The following TBC1D9 variants were observed in gnomAD, a reference collection of about 807,000 sequenced individuals.
The protein encoded by TBC1D9 is TBC1 domain family member 9A.
In TBC1D9, 63 loss-of-function variants were observed where a neutral mutation model predicts 132.0. That is an observed-to-expected ratio of 0.48 (90% CI 0.39 to 0.59). The LOEUF is 0.59. TBC1D9 is among the 20% of genes least tolerant of loss of function. The pLI, the probability that TBC1D9 is intolerant of heterozygous loss-of-function variation, is 0.00. For synonymous variants in TBC1D9, 610 were observed against 609.9 expected, an observed-to-expected ratio of 1.00 and a Z score of 0.00; for missense variants, 1,261 against 1,592.7, an observed-to-expected ratio of 0.79 and a Z score of 3.54.
At chr4:140,735,792 G>A (rs902516341) in intron 1 of TBC1D9, among the ~76,000 whole-genome samples, 3 of 152,182 alleles carry the variant, frequency 2.0e-5, no homozygotes, top group Admixed American at 6.5e-5. Context: ...CTACTGTGGC[G>A]TACAATAACA....
chr4:140,683,330 T>A (rs900579025), intron 3 of TBC1D9, among the ~76,000 whole-genome samples: 1 of 152,178 alleles, frequency 6.6e-6, no homozygotes, highest in Non-Finnish European at 1.5e-5. Flanking sequence ...ATAGTCTCCA[T>A]AAGGCTAAAA....
intron 1 of TBC1D9, among the ~76,000 whole-genome samples, chr4:140,753,705 AT>A (rs1447244348): frequency 1.5e-4 from 23 of 152,066 alleles, no homozygotes; most frequent in African/African-American, 5.3e-4. Context: ...TAGAGTGGCA[AT>A]TTTACTTTAA....
intron 1 of TBC1D9, among the ~76,000 whole-genome samples, chr4:140,709,651 T>C (rs981068487): frequency 6.6e-6 from 1 of 152,140 alleles, no homozygotes; most frequent in Non-Finnish European, 1.5e-5. Context: ...GTACTTTAAG[T>C]CAGCAGTCCC....
chr4:140,682,187 A>G lies in TBC1D9; in HGVS notation c.361-2344T>C, dbSNP rs1047421670. Among the ~76,000 whole-genome samples, 11 of 152,198 alleles carry G rather than the reference A, an allele frequency of 7.2e-5. No individual in the cohort carries two copies. The East Asian group carries it at 2.1e-3, about 29-fold the overall frequency. On this transcript the variant is annotated intron_variant, in intron 3 of 20. Transcript: ENST00000442267. ...AGCAATGCCTGAGAAATTAGGTACC[A>G]AGTTGCTAACTTCTGTTCCTCTGTC...
At chr4:140,634,350 A>G (rs1578815674) in intron 15 of TBC1D9, among the ~76,000 whole-genome samples, 162 bp from the exon 16 acceptor site, 1 of 151,888 alleles carries the variant, frequency 6.6e-6, no homozygotes, top group South Asian at 2.1e-4. Flanking sequence ...TTCTACATAC[A>G]CCTCCACTTG....
intron 1 of TBC1D9, among the ~76,000 whole-genome samples, chr4:140,708,604 T>C (rs1052021769): frequency 6.6e-6 from 1 of 151,932 alleles, no homozygotes; most frequent in African/African-American, 2.4e-5. Flanking sequence ...ATTAGGAAAA[T>C]GGTTCTGTGT....
At chr4:140,668,689 C>T (rs762264535) in intron 9 of TBC1D9, among the ~76,000 whole-genome samples, 8 of 152,170 alleles carry the variant, frequency 5.3e-5, no homozygotes, top group Non-Finnish European at 1.0e-4. Flanking sequence ...TATAAAGACT[C>T]GAAGGATGGT....
chr4:140,652,036 C>T (rs984299692), intron 13 of TBC1D9, among the ~76,000 whole-genome samples: 3 of 151,912 alleles, frequency 2.0e-5, no homozygotes, highest in Admixed American at 6.6e-5. Flanking sequence ...GCCAGGAGTT[C>T]GAGATCAACC....
chr4:140,731,240 C>T (rs1244769224), intron 1 of TBC1D9, among the ~76,000 whole-genome samples: 4 of 152,160 alleles, frequency 2.6e-5, no homozygotes, highest in Non-Finnish European at 5.9e-5. Flanking sequence ...TACTTATTGG[C>T]TGTTGTGTTG....
chr4:140,735,162 G>C (rs1021469579), intron 1 of TBC1D9, among the ~76,000 whole-genome samples: 5 of 152,126 alleles, frequency 3.3e-5, no homozygotes, highest in Non-Finnish European at 1.5e-5. Context: ...TATTCTGTTT[G>C]AAGGACATTC....
At chr4:140,687,279 T>C (rs942697832) in intron 2 of TBC1D9, among the ~76,000 whole-genome samples, 17 of 145,724 alleles carry the variant, frequency 1.2e-4, no homozygotes, top group African/African-American at 4.0e-4. Context: ...TGGCTTTTTA[T>C]AATTTGTCCG....
At chr4:140,673,037 G>A (rs913063759) in intron 6 of TBC1D9, among the ~76,000 whole-genome samples, 3 of 152,132 alleles carry the variant, frequency 2.0e-5, no homozygotes, top group African/African-American at 7.2e-5. Context: ...GCGCATGCCT[G>A]TAATTCTAGC....
At position 140,702,187 on chromosome 4, in the gene TBC1D9, G is replaced by C. The variant is rs139583635; in HGVS notation, c.131-573C>G. On this transcript the variant is annotated intron_variant, in intron 1 of 20. Transcript: ENST00000442267. The stretch of plus-strand genomic sequence containing the variant: ...GATGCAGGAATAAGGTTGAGGATCA[G>C]GGTCTGCATTTTTAGCACAAAGTTT... 4.9e-3 allele frequency among the ~76,000 whole-genome samples: 742 copies of C among 152,310 alleles called. 4 individuals are homozygous for C. Among genetic ancestry groups the C allele is most frequent in the African/African-American group, 0.016 (683 of 41,566 alleles).
chr4:140,628,560 A>G (rs568818600), intron 16 of TBC1D9, among the ~76,000 whole-genome samples, 195 bp from the exon 17 acceptor site: 1 of 152,344 alleles, frequency 6.6e-6, no homozygotes, highest in Admixed American at 6.5e-5. Context: ...CATGTACTAC[A>G]TACTGTTGGG....
intron 1 of TBC1D9, among the ~76,000 whole-genome samples, chr4:140,716,528 A>C (rs1738336877): frequency 6.6e-6 from 1 of 152,126 alleles, no homozygotes; most frequent in East Asian, 1.9e-4. Flanking sequence ...ATGAGAAGAA[A>C]TCATCATTGG....
chr4:140,642,070 C>CGGGAGGGGGCGG, intron 13 of TBC1D9: 1 of 694,812 alleles, frequency 1.4e-6, no homozygotes, highest in Non-Finnish European at 2.7e-6. Flanking sequence ...TTTCAGAGTC[C>CGGGAGGGGGCGG]GGGAGGGGGC....
intron 13 of TBC1D9, among the ~76,000 whole-genome samples, chr4:140,652,847 C>T (rs1329642657): frequency 6.6e-6 from 1 of 152,188 alleles, no homozygotes; most frequent in Non-Finnish European, 1.5e-5. Flanking sequence ...CAGATTGTGC[C>T]TTCTGTTTTA....
chr4:140,634,143 G>A lies in TBC1D9; in HGVS notation c.2551C>T (p.Leu851=), dbSNP rs776903120. ...GGCAGGCTGGGGTCATGCCGGTCCAGCGCGTTGCTGCTCCCGCCCCAGTAG... is the reference window on the plus strand; with the variant it reads ...GGCAGGCTGGGGTCATGCCGGTCCAACGCGTTGCTGCTCCCGCCCCAGTAG... ...SCYWGGSSNA[L]DRHDPSLPYL... is the part of the protein sequence containing the mutation. The change falls in exon 16 of 21, where the codon CTG becomes TTG. Residue 851 remains leucine (L), a synonymous_variant. Transcript: ENST00000442267. 6.2e-6 allele frequency: 10 copies of A among 1,613,818 alleles called. No homozygotes were observed. Among genetic ancestry groups the A allele is most frequent in the Non-Finnish European group, 7.6e-6 (9 of 1,179,898 alleles).
intron 1 of TBC1D9, among the ~76,000 whole-genome samples, chr4:140,747,951 T>G (rs1738862607): frequency 6.6e-6 from 1 of 152,194 alleles, no homozygotes; most frequent in African/African-American, 2.4e-5. Flanking sequence ...ATTTTTCTCA[T>G]AGAAAATAAC....
Sources: gnomAD v4.1 joint callset for allele counts (sites outside exome capture counted in the v4.1 genomes callset) on GRCh38, gnomAD v4.1.1 for gene constraint, MANE v1.5 for transcripts, NCBI Gene and HGNC (gene_info 2026-07-23, HGNC 2026-07-21) for gene names.